ASIC2: variants seen among roughly 807,000 people sequenced by gnomAD.
ASIC2 encodes the protein acid-sensing ion channel 2.
A neutral mutation model predicts 57.3 loss-of-function variants in ASIC2; 25 were observed. That is an observed-to-expected ratio of 0.44 (90% CI 0.32 to 0.61). The LOEUF is 0.61. Ranked by LOEUF, ASIC2 falls within the 20% of genes least tolerant of loss-of-function variation. The pLI is 0.06. For synonymous variants in ASIC2, 319 were observed against 307.5 expected (o/e 1.04, Z -0.39); for missense variants, 641 against 738.1 (o/e 0.87, Z 1.52).
chr17:33,694,935 G>C (rs1191525509), intron 1 of ASIC2, among the ~76,000 whole-genome samples: 2 of 152,152 alleles, frequency 1.3e-5, no homozygotes, highest in Admixed American at 6.5e-5. Context: ...GCCCCACGCT[G>C]CCTACATGAT....
At chr17:33,614,625 C>T (rs909474528) in intron 1 of ASIC2, among the ~76,000 whole-genome samples, 13 of 152,162 alleles carry the variant, frequency 8.5e-5, no homozygotes, top group African/African-American at 3.1e-4. Context: ...TAAAAAAATA[C>T]CTTTGATGTG....
chr17:33,409,140 G>C (rs79942223), intron 1 of ASIC2, among the ~76,000 whole-genome samples: 1,927 of 152,274 alleles, frequency 0.013, 44 homozygotes, highest in African/African-American at 0.043. Context: ...TATTGAGCCT[G>C]GGAGGCAGAG....
At chr17:33,592,274 C>T (rs1321974567) in intron 1 of ASIC2, among the ~76,000 whole-genome samples, 2 of 152,238 alleles carry the variant, frequency 1.3e-5, no homozygotes, top group Admixed American at 1.3e-4. Context: ...CCAGTGCTGG[C>T]ATTCTGCCCT....
intron 1 of ASIC2, among the ~76,000 whole-genome samples, chr17:33,446,465 C>T (rs146729798): frequency 3.9e-5 from 6 of 152,128 alleles, no homozygotes; most frequent in East Asian, 1.9e-4. Flanking sequence ...GGTCACTGGC[C>T]GGCTGAAATC....
At chr17:33,348,656 T>C (rs1045938328) in intron 1 of ASIC2, among the ~76,000 whole-genome samples, 4 of 152,072 alleles carry the variant, frequency 2.6e-5, no homozygotes, top group African/African-American at 7.2e-5. Flanking sequence ...TTTATGATGA[T>C]GGACACTGAG....
At chr17:33,522,562 A>G (rs149309970) in intron 1 of ASIC2, among the ~76,000 whole-genome samples, 2 of 152,254 alleles carry the variant, frequency 1.3e-5, no homozygotes, top group South Asian at 4.1e-4. Flanking sequence ...AAATAGGAAC[A>G]GTAATTCCCG....
chr17:33,021,162 T>TACCAACCAACC, intron 7 of ASIC2, 57 bp downstream of exon 7: 1 of 694,010 alleles, frequency 1.4e-6, no homozygotes. Flanking sequence ...CTGTGCATCC[T>TACCAACCAACC]CCCTCCCTCC....
intron 1 of ASIC2, among the ~76,000 whole-genome samples, chr17:34,063,907 T>A (rs1909065757): frequency 6.6e-6 from 1 of 152,186 alleles, no homozygotes; most frequent in Non-Finnish European, 1.5e-5. Flanking sequence ...CATTCCATGC[T>A]CATGGATGGG....
chr17:33,303,973 T>G (rs987248606), intron 1 of ASIC2, among the ~76,000 whole-genome samples: 9 of 152,190 alleles, frequency 5.9e-5, no homozygotes, highest in Admixed American at 5.9e-4. Flanking sequence ...TTCCATACCC[T>G]AGGGTTCCCC....
rs77541198 is a variant in ASIC2, at chr17:33,193,201, T to C, written c.709-81134A>G. 2.9e-3 allele frequency among the ~76,000 whole-genome samples: 441 copies of C among 152,318 alleles called. 3 individuals are homozygous for C. In the South Asian group the frequency reaches 0.037, roughly 13 times the overall value. ...CAACTTAGAAGCCTTTGTTAACACA[T>C]GATAAGTGTCAGGAAGTGATACAAC... On this transcript the variant is annotated intron_variant, in intron 1 of 9. Coordinates refer to ENST00000225823, the MANE Select transcript of ASIC2 (RefSeq NM_183377.2).
intron 1 of ASIC2, among the ~76,000 whole-genome samples, chr17:33,617,184 A>G (rs1222673892): frequency 1.3e-5 from 2 of 152,222 alleles, no homozygotes; most frequent in Non-Finnish European, 2.9e-5. Context: ...AGAAATATTA[A>G]TTGTTCTACC....
intron 1 of ASIC2, among the ~76,000 whole-genome samples, chr17:33,375,874 G>GAGTA (rs1399736573): frequency 7.6e-6 from 1 of 132,340 alleles, no homozygotes; most frequent in African/African-American, 3.3e-5. Flanking sequence ...GAAAGTAAGT[G>GAGTA]AGTAGCAGCT....
At chr17:33,886,796 A>G (rs1020950308) in intron 1 of ASIC2, among the ~76,000 whole-genome samples, 1 of 152,086 alleles carries the variant, frequency 6.6e-6, no homozygotes. Flanking sequence ...AAACAGCAGT[A>G]TTGGCATCAT....
chr17:33,996,069 T>C lies in ASIC2; in HGVS notation c.555+159909A>G, dbSNP rs1567781932. Among the ~76,000 whole-genome samples the C allele has an allele frequency of 2.0e-5, 3 of 152,326 alleles. No homozygotes were observed. The East Asian group carries it at 5.8e-4, about 29-fold the overall frequency. On this transcript the variant is annotated intron_variant, in intron 1 of 9. Transcript: ENST00000359872. ...ACAGGTATGAGGTAATATTTTATTGTGGTTTTTATTTGCATTTCCTGGATG... is the reference window on the plus strand; with the variant it reads ...ACAGGTATGAGGTAATATTTTATTGCGGTTTTTATTTGCATTTCCTGGATG...
chr17:33,821,558 G>A (rs1214086846), intron 1 of ASIC2, among the ~76,000 whole-genome samples: 1 of 152,188 alleles, frequency 6.6e-6, no homozygotes, highest in Admixed American at 6.5e-5. Flanking sequence ...GAGGAGGAAA[G>A]GCAACAGGTG....
intron 1 of ASIC2, among the ~76,000 whole-genome samples, chr17:33,923,220 A>G (rs1025638308): frequency 3.9e-5 from 6 of 152,138 alleles, no homozygotes; most frequent in African/African-American, 1.4e-4. Context: ...GCCAAAAGAG[A>G]AAATGAGGCC....
chr17:33,729,831 T>C (rs1345216360), intron 1 of ASIC2, among the ~76,000 whole-genome samples: 1 of 152,214 alleles, frequency 6.6e-6, no homozygotes, highest in Non-Finnish European at 1.5e-5. Flanking sequence ...TAGTTTCATA[T>C]GTAAGCAAAC....
At chr17:33,111,795 C>G (rs1387938808) in intron 2 of ASIC2, 122 bp downstream of exon 2, 1 of 1,391,806 alleles carries the variant, frequency 7.2e-7, no homozygotes, top group Admixed American at 2.5e-5. Flanking sequence ...AGCAGCATGT[C>G]ACAAACCCCT....
chr17:33,964,103 CTT>C (rs938592257), intron 1 of ASIC2, among the ~76,000 whole-genome samples: 2 of 152,232 alleles, frequency 1.3e-5, no homozygotes, highest in African/African-American at 4.8e-5. Flanking sequence ...TTACCACACT[CTT>C]TGTGCTATGC....
Sources: allele counts gnomAD v4.1 joint callset (sites outside exome capture counted in the v4.1 genomes callset), GRCh38; gene constraint gnomAD v4.1.1; transcripts MANE v1.5; gene names NCBI Gene and HGNC (gene_info 2026-07-23, HGNC 2026-07-21).